KIAA1210: variants seen among roughly 807,000 people sequenced by gnomAD.
The protein encoded by KIAA1210 is acrosomal protein KIAA1210.
Under a neutral mutation model 78.9 loss-of-function variants are expected in KIAA1210, and 48 were observed. The observed-to-expected ratio is 0.61, with a 90% confidence interval of 0.48 to 0.77. The LOEUF is 0.77. Ranked by LOEUF, KIAA1210 falls within the 30% of genes least tolerant of loss-of-function variation. The probability of loss-of-function intolerance (pLI) is 0.00; values close to 1 mark genes in which losing one functional copy is unlikely to be tolerated. For missense variants in KIAA1210, 1,108 were observed against 1,100.0 expected (o/e 1.01, Z -0.10); for synonymous variants, 406 against 404.5 (o/e 1.00, Z -0.04).
chrX:119,118,993 A>G (rs571583813), intron 2 of KIAA1210, among the ~76,000 whole-genome samples: 9 of 112,058 alleles, frequency 8.0e-5, no homozygotes, highest in South Asian at 3.7e-4. Flanking sequence ...TCCACTGGGG[A>G]GCGCAGAATA....
chrX:119,092,519 TG>T (rs1183054330), intron 8 of KIAA1210, among the ~76,000 whole-genome samples: 16 of 111,763 alleles, frequency 1.4e-4, no homozygotes, highest in Admixed American at 9.5e-4. Context: ...CCCAGCACTT[TG>T]GGAGGCCAAG....
intron 6 of KIAA1210, among the ~76,000 whole-genome samples, chrX:119,103,347 T>C (rs1927790428): frequency 8.9e-6 from 1 of 112,054 alleles, no homozygotes; most frequent in Admixed American, 9.5e-5. Flanking sequence ...ATACTTAACA[T>C]CATTATTTAC....
At chrX:119,115,439 A>G (rs1290231307) in intron 3 of KIAA1210, among the ~76,000 whole-genome samples, 1 of 111,840 alleles carries the variant, frequency 8.9e-6, no homozygotes, top group African/African-American at 3.3e-5. Flanking sequence ...CTTGTGAGGT[A>G]CTACATAAGC....
At chrX:119,111,252 G>C (rs1289858940) in intron 3 of KIAA1210, among the ~76,000 whole-genome samples, 3 of 111,809 alleles carry the variant, frequency 2.7e-5, no homozygotes. Flanking sequence ...AAAGAATTAA[G>C]TTGGACCTTT....
At chrX:119,116,097 A>G (rs1461453852) in intron 3 of KIAA1210, among the ~76,000 whole-genome samples, 1 of 112,056 alleles carries the variant, frequency 8.9e-6, no homozygotes, top group East Asian at 2.8e-4. Flanking sequence ...AAACCAGACC[A>G]AGCCTCCTGA....
chrX:119,110,595 C>A (rs1928041062), intron 3 of KIAA1210, among the ~76,000 whole-genome samples: 1 of 111,669 alleles, frequency 9.0e-6, no homozygotes, highest in East Asian at 2.8e-4. Context: ...CTAAAAATGA[C>A]TAGAATATAT....
chrX:119,144,169 A>G (rs1929113349), intron 2 of KIAA1210, among the ~76,000 whole-genome samples: 1 of 112,124 alleles, frequency 8.9e-6, no homozygotes, highest in African/African-American at 3.2e-5. Context: ...CTGGCTTCCC[A>G]GCCCCAAATG....
At chrX:119,125,733 ATATTT>A (rs1328582447) in intron 1 of KIAA1210, among the ~76,000 whole-genome samples, 6 of 7,592 alleles carry the variant, frequency 7.9e-4, no homozygotes, top group South Asian at 0.019. Context: ...ATATATATAT[ATATTT>A]TTTTTTTTTT....
chrX:119,097,463 G>C (rs184803806), intron 6 of KIAA1210, among the ~76,000 whole-genome samples: 2 of 111,632 alleles, frequency 1.8e-5, no homozygotes, highest in African/African-American at 6.5e-5. Flanking sequence ...AGAAGATTTC[G>C]ATTTCTGTTA....
chrX:119,120,341 A>G (rs766039778), intron 2 of KIAA1210, among the ~76,000 whole-genome samples: 9 of 112,395 alleles, frequency 8.0e-5, no homozygotes, highest in Admixed American at 4.7e-4. Flanking sequence ...CCCATAGTGG[A>G]AGAGAGGAAA....
At chrX:119,121,780 T>A (rs941326030) in intron 2 of KIAA1210, among the ~76,000 whole-genome samples, 10 of 111,207 alleles carry the variant, frequency 9.0e-5, no homozygotes, top group African/African-American at 3.2e-4. Flanking sequence ...TATTATTTTT[T>A]TTTTTTGAGA....
At chrX:119,092,557 T>C (rs2316006) in intron 8 of KIAA1210, among the ~76,000 whole-genome samples, 8,510 of 110,469 alleles carry the variant, frequency 0.077, 846 homozygotes, top group African/African-American at 0.27. Flanking sequence ...GTCAGGAGAT[T>C]GAGATCATCC....
At position 119,096,443 on chromosome X, in the gene KIAA1210, C is replaced by T. The variant is rs1217821827; in HGVS notation, c.846+51G>A. ...TAGTAGTAGTTTGCAAAGGTTGGAA[C>T]TCATCTTTTCTTATACAGGAGTTTA... On this transcript the variant is annotated intron_variant, in intron 7 of 11. Transcript: ENST00000691062. 9 of 1,078,096 alleles carry T rather than the reference C, an allele frequency of 8.3e-6. No homozygotes were observed. The East Asian group carries it at 2.7e-4, about 33-fold the overall frequency. 88.8% of individuals were successfully genotyped at this position (1,078,096 alleles called of 1,213,427 possible).
intron 3 of KIAA1210, among the ~76,000 whole-genome samples, chrX:119,113,883 T>A (rs753917239): frequency 9.0e-6 from 1 of 111,580 alleles, no homozygotes; most frequent in Non-Finnish European, 1.9e-5. Flanking sequence ...GAAACAACCT[T>A]TGTATGATTC....
chrX:119,116,006 G>T (rs748207481), intron 3 of KIAA1210, among the ~76,000 whole-genome samples: 17 of 111,726 alleles, frequency 1.5e-4, no homozygotes, highest in Non-Finnish European at 2.1e-4. Context: ...CCCACTCCCA[G>T]CTAGATAGCT....
upstream of KIAA1210, among the ~76,000 whole-genome samples, chrX:119,150,875 G>T (rs144340610): frequency 8.9e-6 from 1 of 112,634 alleles, no homozygotes; most frequent in South Asian, 3.7e-4. Flanking sequence ...GCCGGCTGGC[G>T]TTCTGCCACC....
Position 119,081,482 on chromosome X carries a change from T to G in KIAA1210, c.4449A>C (p.Ile1483=), listed in dbSNP as rs1278508915. The G allele has an allele frequency of 8.3e-7, 1 of 1,206,163 alleles. No individual in the cohort carries two copies. Among genetic ancestry groups the G allele is most frequent in the Non-Finnish European group, 1.1e-6 (1 of 893,957 alleles). ...CTTTTTCCATGGCAGGAACTTGCAG[T>G]ATCTTCTGAGCTTCAAATCCAACTG... ...TKSVGFEAQK[I]LQVPAMEKET... is the part of the protein sequence containing the mutation. Residue 1483 remains isoleucine, a synonymous_variant, in exon 12 of 12, where the codon ATA becomes ATC. Transcript: ENST00000691062.
At chrX:119,147,930 T>C (rs1301686414) in intron 1 of KIAA1210, among the ~76,000 whole-genome samples, 1 of 111,828 alleles carries the variant, frequency 8.9e-6, no homozygotes, top group African/African-American at 3.3e-5. Context: ...AGCCCAGGAG[T>C]TTGAGACCAG....
chrX:119,088,480 G>T lies in KIAA1210; in HGVS notation c.2222C>A (p.Pro741His). The change falls in exon 9 of 12, where the codon CCC (proline) becomes CAC (histidine). Residue 741 changes from proline to histidine, a missense_variant. By Grantham distance (77) the Pro-to-His change is moderately conservative. Transcript: ENST00000691062. ...TTGCTGAACAGTAGGATTCATAATG[G>T]GCTGAGAAGGGCATCTGGAAGGCAG... ...QQLPSRCPSQ[P>H]IMNPTVQQQV... The T allele has an allele frequency of 8.3e-7, 1 of 1,210,940 alleles. No individual in the cohort carries two copies. Among genetic ancestry groups the T allele is most frequent in the African/African-American group, 1.7e-5 (1 of 57,668 alleles).
Sources: allele counts gnomAD v4.1 joint callset (sites outside exome capture counted in the v4.1 genomes callset), GRCh38; gene constraint gnomAD v4.1.1; transcripts MANE v1.5; gene names NCBI Gene and HGNC (gene_info 2026-07-23, HGNC 2026-07-21).